Variants in VWA8 observed in about 807,000 individuals in gnomAD.
The protein encoded by VWA8 is von Willebrand factor A domain-containing protein 8.
Under a neutral mutation model 241.5 loss-of-function variants are expected in VWA8, and 221 were observed. The observed-to-expected ratio is 0.91, with a 90% CI of 0.82 to 1.02. The LOEUF (loss-of-function observed/expected upper bound fraction) is 1.02. VWA8 is among the 50% of genes least tolerant of loss of function. The probability of loss-of-function intolerance (pLI) is 0.00; values close to 1 mark genes in which losing one functional copy is unlikely to be tolerated. For synonymous variants in VWA8, 852 were observed against 827.1 expected (o/e 1.03, Z -0.52); for missense variants, 2,322 against 2,328.7 (o/e 1.00, Z 0.06).
chr13:41,760,162 T>C (rs1459004012), intron 21 of VWA8, among the ~76,000 whole-genome samples: 1 of 151,776 alleles, frequency 6.6e-6, no homozygotes, highest in Non-Finnish European at 1.5e-5. Context: ...AGATCCCTAG[T>C]AGTTTTTCTT....
At chr13:41,589,872 C>T (rs1027623743) in intron 41 of VWA8, among the ~76,000 whole-genome samples, 1 of 152,246 alleles carries the variant, frequency 6.6e-6, no homozygotes, top group Non-Finnish European at 1.5e-5. Flanking sequence ...ATCATCTACA[C>T]TTCTCCATCT....
At chr13:41,886,858 T>C in intron 6 of VWA8, 28 bp from the exon 7 acceptor site, 3 of 1,503,786 alleles carry the variant, frequency 2.0e-6, no homozygotes, top group Non-Finnish European at 2.7e-6. Context: ...CATATTAAAT[T>C]AATTAACAAG....
rs538290107 is a variant in VWA8 at position 41,644,401 on chromosome 13, T to G, written c.4611+26545A>C. Among the ~76,000 whole-genome samples, 51 of 152,352 alleles carry G rather than the reference T, an allele frequency of 3.3e-4. 1 individual carries two copies. In the South Asian group the frequency reaches 0.01, roughly 31 times the overall value. On this transcript the variant is annotated intron_variant, in intron 37 of 44. Transcript: ENST00000379310. ...GTAGAGCAGGTCCTTGAATAACATT[T>G]TGTTCAAGGACATTTCATTATAAAG...
intron 37 of VWA8, among the ~76,000 whole-genome samples, chr13:41,624,894 A>G (rs968933859): frequency 2.6e-5 from 4 of 152,196 alleles, no homozygotes; most frequent in Admixed American, 1.3e-4. Context: ...CTCTTCTCCA[A>G]TGATATGATT....
At chr13:41,774,396 G>A (rs902641851) in intron 20 of VWA8, among the ~76,000 whole-genome samples, 4 of 152,146 alleles carry the variant, frequency 2.6e-5, no homozygotes, top group African/African-American at 9.7e-5. Flanking sequence ...ACTCACCTTG[G>A]CCTCCCAAAG....
At chr13:41,744,007 G>T (rs184635805) in intron 21 of VWA8, among the ~76,000 whole-genome samples, 1 of 152,346 alleles carries the variant, frequency 6.6e-6, no homozygotes, top group East Asian at 1.9e-4. Context: ...ACCCAGAAAT[G>T]CTTGGGAGGT....
chr13:41,932,672 A>G (rs916920713), intron 2 of VWA8, among the ~76,000 whole-genome samples: 8 of 151,912 alleles, frequency 5.3e-5, no homozygotes, highest in East Asian at 3.8e-4. Flanking sequence ...AAATCAATCA[A>G]TGTAATTCAC....
At chr13:41,926,514 C>A in intron 2 of VWA8, 1 of 533,792 alleles carries the variant, frequency 1.9e-6, no homozygotes, top group Non-Finnish European at 3.8e-6. Flanking sequence ...GTTGGTGGCA[C>A]CAAGCAGATT....
chr13:41,899,196 T>C (rs941108788), intron 4 of VWA8, among the ~76,000 whole-genome samples: 4 of 152,166 alleles, frequency 2.6e-5, no homozygotes, highest in South Asian at 2.1e-4. Flanking sequence ...AAAAGGAAAA[T>C]TAATAAATGA....
At chr13:41,574,185 A>AG (rs1387057965) in intron 43 of VWA8, among the ~76,000 whole-genome samples, 1 of 151,730 alleles carries the variant, frequency 6.6e-6, no homozygotes, top group Non-Finnish European at 1.5e-5. Flanking sequence ...AAAAAAAAAA[A>AG]AAAAGAAAAC....
At position 41,727,260 on chromosome 13, in the gene VWA8, TA is replaced by T; in HGVS notation, c.2691del (p.Phe897LeufsTer3). ...RENVVVIHPD[F>X]RMIVLANRPG... is the part of the protein sequence containing the mutation. ...GGTCTATTTGCCAGAACAATCATCC[TA>T]AAATCAGGATGAATCACTACAACAT... On this transcript the variant is annotated frameshift_variant, in exon 24 of 45. Coordinates refer to ENST00000379310, the MANE Select transcript of VWA8 (RefSeq NM_015058.2). LOFTEE classifies it high-confidence loss of function. 1 of 1,558,804 alleles carries T rather than the reference TA, an allele frequency of 6.4e-7. No individual in the cohort carries two copies. The highest frequency in any genetic ancestry group is 2.4e-5 in the East Asian group (1 of 41,900).
chr13:41,784,705 T>TAC (rs773975684), intron 18 of VWA8, among the ~76,000 whole-genome samples: 2,038 of 78,830 alleles, frequency 0.026, 104 homozygotes, highest in Non-Finnish European at 0.034. Context: ...TACATATATA[T>TAC]ATATATATAT....
At chr13:41,887,398 T>A in intron 5 of VWA8, 37 bp from the exon 6 acceptor site, 1 of 1,586,792 alleles carries the variant, frequency 6.3e-7, no homozygotes, top group African/African-American at 1.4e-5. Flanking sequence ...ATAGCATAAA[T>A]GATACAAATC....
At chr13:41,674,959 T>C (rs191454055) in intron 36 of VWA8, among the ~76,000 whole-genome samples, 23 of 152,128 alleles carry the variant, frequency 1.5e-4, no homozygotes, top group Admixed American at 1.4e-3. Flanking sequence ...TTAGAACAGA[T>C]CAAACAAAAG....
chr13:41,753,241 G>C (rs758854673), intron 21 of VWA8, among the ~76,000 whole-genome samples: 1 of 152,074 alleles, frequency 6.6e-6, no homozygotes, highest in Non-Finnish European at 1.5e-5. Flanking sequence ...CAAGAGCATA[G>C]GTCATGTTAA....
intron 26 of VWA8, among the ~76,000 whole-genome samples, chr13:41,715,652 T>C (rs1452307828): frequency 4.6e-5 from 7 of 152,054 alleles, no homozygotes; most frequent in African/African-American, 7.2e-5. Flanking sequence ...TACTGAAGTA[T>C]AGCAGATAAT....
chr13:41,750,459 C>CAAA (rs1481148781), intron 21 of VWA8, among the ~76,000 whole-genome samples: 1 of 93,342 alleles, frequency 1.1e-5, no homozygotes, highest in African/African-American at 3.5e-5. Context: ...ACAACAACAA[C>CAAA]AAAACAAAAA....
intron 40 of VWA8, among the ~76,000 whole-genome samples, chr13:41,603,702 G>T (rs1398753443): frequency 6.6e-6 from 1 of 152,048 alleles, no homozygotes; most frequent in Non-Finnish European, 1.5e-5. Context: ...TCCCACCAGG[G>T]TGTGCTTTTC....
intron 35 of VWA8, among the ~76,000 whole-genome samples, chr13:41,684,413 T>C (rs1408845059): frequency 6.6e-6 from 1 of 152,104 alleles, no homozygotes; most frequent in Non-Finnish European, 1.5e-5. Flanking sequence ...TGAATGCCAG[T>C]GTGGTTCAAT....
Sources: gnomAD v4.1 joint callset for allele counts (sites outside exome capture counted in the v4.1 genomes callset) on GRCh38, gnomAD v4.1.1 for gene constraint, MANE v1.5 for transcripts, NCBI Gene and HGNC (gene_info 2026-07-23, HGNC 2026-07-21) for gene names.